The following ZFHX4 variants were observed in gnomAD, a reference collection of about 807,000 sequenced individuals.
The protein encoded by ZFHX4 is zinc finger homeobox protein 4.
A neutral mutation model predicts 267.6 loss-of-function variants in ZFHX4; 56 were observed. The observed-to-expected ratio is 0.21, with a 90% CI of 0.17 to 0.26. ZFHX4 has a LOEUF of 0.26. Among genes scored for constraint, ZFHX4 ranks in the 10% least tolerant of loss-of-function variants. The probability of loss-of-function intolerance (pLI) is 1.00; values close to 1 mark genes in which losing one functional copy is unlikely to be tolerated. For missense variants in ZFHX4, 4,332 were observed against 4,420.0 expected, an observed-to-expected ratio of 0.98 and a Z score of 0.56; for synonymous variants, 1,778 against 1,665.6, an observed-to-expected ratio of 1.07 and a Z score of -1.64.
chr8:76,705,046 G>A lies in ZFHX4; in HGVS notation c.958G>A (p.Ala320Thr). 8.1e-6 allele frequency: 13 copies of A among 1,613,904 alleles called. No homozygotes were observed. Among genetic ancestry groups the A allele is most frequent in the South Asian group, 1.1e-5 (1 of 91,068 alleles). ...QKLLSNKCVS[A>T]IIQGIGKDKE... Reference sequence around the variant, plus strand: ...GCTCCTCAGTAATAAATGCGTCTCCGCCATAATACAGGGGATTGGCAAAGA... The same window carrying A: ...GCTCCTCAGTAATAAATGCGTCTCCACCATAATACAGGGGATTGGCAAAGA... Residue 320 changes from alanine (A) to threonine (T), a missense_variant, in exon 2 of 11, where the codon GCC becomes ACC. Coordinates refer to ENST00000651372, the MANE Select transcript of ZFHX4 (RefSeq NM_024721.5).
intron 3 of ZFHX4, among the ~76,000 whole-genome samples, chr8:76,755,750 A>G (rs566521746): frequency 6.6e-6 from 1 of 152,262 alleles, no homozygotes; most frequent in South Asian, 2.1e-4. Flanking sequence ...TTGCCTTTTT[A>G]GTATCACAAC....
chr8:76,689,708 T>A (rs1008804650), intron 1 of ZFHX4, among the ~76,000 whole-genome samples: 1 of 152,118 alleles, frequency 6.6e-6, no homozygotes, highest in African/African-American at 2.4e-5. Context: ...GTTTCATATT[T>A]GACATACAAT....
Position 76,863,273 on chromosome 8 carries a change from A to G in ZFHX4, c.9559A>G (p.Lys3187Glu). ...LSGQQTEQQNKESEKKQTKPN... is the reference protein window; with the variant it reads ...LSGQQTEQQNEESEKKQTKPN... ...AGGACAGCAGACCGAGCAACAGAAC[A>G]AAGAATCTGAGAAAAAGCAAACTAA... is the stretch of plus-strand genomic sequence containing the variant. Residue 3187 changes from lysine to glutamate, a missense_variant, in exon 11 of 11, where the codon AAA (lysine) becomes GAA (glutamate). By Grantham distance (56) the Lys-to-Glu change is moderately conservative. Transcript: ENST00000651372. 2 of 1,611,750 alleles carry G rather than the reference A, an allele frequency of 1.2e-6. No homozygotes were observed. The highest frequency in any genetic ancestry group is 1.7e-6 in the Non-Finnish European group (2 of 1,178,750).
At chr8:76,693,987 A>G (rs566695461) in intron 1 of ZFHX4, among the ~76,000 whole-genome samples, 15 of 152,340 alleles carry the variant, frequency 9.8e-5, no homozygotes, top group African/African-American at 3.4e-4. Flanking sequence ...ACAGGAATAA[A>G]GAGCTCCTTG....
chr8:76,727,433 G>T (rs1808882488), intron 3 of ZFHX4, among the ~76,000 whole-genome samples: 1 of 152,112 alleles, frequency 6.6e-6, no homozygotes, highest in Non-Finnish European at 1.5e-5. Context: ...CCTTTATCCA[G>T]ATTTAACAGT....
chr8:76,764,575 CTT>C (rs1810003426), intron 3 of ZFHX4, among the ~76,000 whole-genome samples: 1 of 152,108 alleles, frequency 6.6e-6, no homozygotes, highest in Admixed American at 6.5e-5. Flanking sequence ...TAATTAGAAT[CTT>C]GAGTATAAAA....
intron 1 of ZFHX4, among the ~76,000 whole-genome samples, chr8:76,703,233 A>C (rs911639025): frequency 6.6e-6 from 1 of 152,214 alleles, no homozygotes; most frequent in Non-Finnish European, 1.5e-5. Flanking sequence ...AGAGATGGGC[A>C]ACTCACCAGG....
At chr8:76,756,093 A>G (rs549675842) in intron 3 of ZFHX4, among the ~76,000 whole-genome samples, 17 of 152,208 alleles carry the variant, frequency 1.1e-4, no homozygotes, top group Non-Finnish European at 2.4e-4. Flanking sequence ...TCTTTCGTGC[A>G]GATTCATTTA....
chr8:76,822,024 C>T (rs1009894355), intron 4 of ZFHX4, among the ~76,000 whole-genome samples: 1 of 152,128 alleles, frequency 6.6e-6, no homozygotes, highest in Non-Finnish European at 1.5e-5. Context: ...CACATACACA[C>T]ACATGCACAC....
At chr8:76,828,576 T>G (rs1811847856) in intron 4 of ZFHX4, among the ~76,000 whole-genome samples, 1 of 152,244 alleles carries the variant, frequency 6.6e-6, no homozygotes, top group African/African-American at 2.4e-5. Flanking sequence ...TAGTTTATAA[T>G]TAGAGCACTG....
intron 4 of ZFHX4, among the ~76,000 whole-genome samples, chr8:76,828,617 A>G (rs920713132): frequency 3.9e-5 from 6 of 152,222 alleles, no homozygotes; most frequent in Admixed American, 2.6e-4. Context: ...CATAGGCTCT[A>G]AAATATCCTT....
chr8:76,853,439 T>C lies in ZFHX4; in HGVS notation c.6518T>C (p.Ile2173Thr). The C allele has an allele frequency of 1.2e-6, 2 of 1,613,862 alleles. No homozygotes were observed. Among genetic ancestry groups the C allele is most frequent in the Non-Finnish European group, 1.7e-6 (2 of 1,179,846 alleles). Residue 2173 changes from isoleucine (I) to threonine (T), a missense_variant, in exon 10 of 11, where the codon ATC (isoleucine) becomes ACC (threonine). Transcript: ENST00000651372. ...AEKSGLSQKV[I>T]KHWFRNTLFK... ...AAATCTGGCCTCTCCCAAAAAGTTA[T>C]CAAACACTGGTTTAGAAATACGCTT... is the stretch of plus-strand genomic sequence containing the variant.
Position 76,853,386 on chromosome 8 carries a change from T to C in ZFHX4, c.6465T>C (p.Ser2155=). Reference sequence around the variant, plus strand: ...ATTTTGACATTAATAATTCTCCAAGTGAAGAACAGATCCAGGAAATGGCAG... The same window carrying C: ...ATTTTGACATTAATAATTCTCCAAGCGAAGAACAGATCCAGGAAATGGCAG... ...RAYFDINNSP[S]EEQIQEMAEK... The change falls in exon 10 of 11, where the codon AGT becomes AGC. Residue 2155 remains serine (S), a synonymous_variant. Coordinates refer to ENST00000651372, the MANE Select transcript of ZFHX4 (RefSeq NM_024721.5). 6.2e-7 allele frequency: 1 copy of C among 1,613,804 alleles called. No homozygotes were observed. Among genetic ancestry groups the C allele is most frequent in the Non-Finnish European group, 8.5e-7 (1 of 1,179,864 alleles).
chr8:76,704,448 G>A lies in ZFHX4; in HGVS notation c.360G>A (p.Glu120=). 6.2e-7 allele frequency: 1 copy of A among 1,613,992 alleles called. No individual in the cohort carries two copies. Among genetic ancestry groups the A allele is most frequent in the Non-Finnish European group, 8.5e-7 (1 of 1,179,892 alleles). Residue 120 remains glutamate, a synonymous_variant, in exon 2 of 11, where the codon GAG becomes GAA. Coordinates refer to ENST00000651372, the MANE Select transcript of ZFHX4 (RefSeq NM_024721.5). ...ACGAGAGCGAGATCAGCGAGTTAGA[G>A]GACAGTGACGTGGAAAATCTAACAG... ...DDNESEISEL[E]DSDVENLTGE... is the part of the protein sequence containing the mutation.
At chr8:76,756,280 G>C (rs572049197) in intron 3 of ZFHX4, among the ~76,000 whole-genome samples, 4 of 152,142 alleles carry the variant, frequency 2.6e-5, no homozygotes, top group Admixed American at 6.5e-5. Context: ...TCACATGCTA[G>C]TGTAATTTAT....
At chr8:76,761,607 T>A (rs989573778) in intron 3 of ZFHX4, among the ~76,000 whole-genome samples, 1 of 152,170 alleles carries the variant, frequency 6.6e-6, no homozygotes, top group African/African-American at 2.4e-5. Context: ...AAGGGAGGAA[T>A]GTAAAAAGAG....
intron 3 of ZFHX4, among the ~76,000 whole-genome samples, chr8:76,764,123 T>C (rs1809991874): frequency 6.6e-6 from 1 of 152,192 alleles, no homozygotes; most frequent in African/African-American, 2.4e-5. Flanking sequence ...TGGGATTACA[T>C]ATCTTCAAAA....
chr8:76,746,778 A>G (rs1424235596), intron 3 of ZFHX4, among the ~76,000 whole-genome samples: 40 of 152,204 alleles, frequency 2.6e-4, no homozygotes, highest in Non-Finnish European at 1.5e-5. Context: ...CATGTAAGAA[A>G]TAGAAGTAGA....
Position 76,852,732 on chromosome 8 carries a change from T to C in ZFHX4, c.5811T>C (p.Ser1937=). 6.2e-7 allele frequency: 1 copy of C among 1,613,804 alleles called. No homozygotes were observed. Among genetic ancestry groups the C allele is most frequent in the Admixed American group, 1.7e-5 (1 of 60,004 alleles). ...AGAAGGTACAGAAGAAGGGCAAAAG[T>C]GGTGAAGGCGAAAACACTGACAAAC... is the stretch of plus-strand genomic sequence containing the variant. ...NRQKVQKKGK[S]GEGENTDKLE... The change falls in exon 10 of 11, where the codon AGT becomes AGC. Residue 1937 remains serine (S), a synonymous_variant. Transcript: ENST00000651372.
Sources: gnomAD v4.1 joint callset for allele counts (sites outside exome capture counted in the v4.1 genomes callset) on GRCh38, gnomAD v4.1.1 for gene constraint, MANE v1.5 for transcripts, NCBI Gene and HGNC (gene_info 2026-07-23, HGNC 2026-07-21) for gene names.